Variants in KCNJ3 observed in about 807,000 individuals in gnomAD.
KCNJ3 encodes potassium inwardly rectifying channel subfamily J member 3.
A neutral mutation model predicts 39.2 loss-of-function variants in KCNJ3; 4 were observed. The ratio of observed to expected loss-of-function variants is 0.10; its 90% CI spans 0.05 to 0.23. KCNJ3 has a LOEUF of 0.23. Ranked by LOEUF, KCNJ3 falls within the 10% of genes least tolerant of loss-of-function variation. The probability of loss-of-function intolerance (pLI) is 1.00; values close to 1 mark genes in which losing one functional copy is unlikely to be tolerated. For synonymous variants in KCNJ3, 230 were observed against 237.4 expected (o/e 0.97, Z 0.29); for missense variants, 276 against 634.9 (o/e 0.43, Z 6.08).
chr2:154,780,037 C>A (rs1686407309), intron 2 of KCNJ3, among the ~76,000 whole-genome samples: 1 of 152,134 alleles, frequency 6.6e-6, no homozygotes, highest in South Asian at 2.1e-4. Context: ...ACTCTAATAA[C>A]AGTATGTCAT....
intron 2 of KCNJ3, among the ~76,000 whole-genome samples, chr2:154,810,024 A>G (rs1171702284): frequency 2.6e-5 from 4 of 151,266 alleles, no homozygotes; most frequent in Non-Finnish European, 5.9e-5. Context: ...TATATGTGCA[A>G]GGCACTAAAT....
intron 2 of KCNJ3, among the ~76,000 whole-genome samples, chr2:154,852,373 G>A (rs867941239): frequency 1.3e-5 from 2 of 152,084 alleles, no homozygotes; most frequent in East Asian, 1.9e-4. Context: ...CGCAGCCTGG[G>A]CGACAGAGTG....
At chr2:154,751,146 A>C (rs111754250) in intron 2 of KCNJ3, among the ~76,000 whole-genome samples, 3,901 of 152,028 alleles carry the variant, frequency 0.026, 149 homozygotes, top group African/African-American at 0.089. Context: ...AAACCTATGG[A>C]AATAAAAAAA....
intron 2 of KCNJ3, among the ~76,000 whole-genome samples, chr2:154,785,532 T>C (rs1389297304): frequency 6.6e-6 from 1 of 152,150 alleles, no homozygotes; most frequent in African/African-American, 2.4e-5. Flanking sequence ...AATGCTGTTA[T>C]GGAGAGAGTG....
At chr2:154,755,187 A>C (rs151136390) in intron 2 of KCNJ3, among the ~76,000 whole-genome samples, 1 of 152,230 alleles carries the variant, frequency 6.6e-6, no homozygotes, top group Non-Finnish European at 1.5e-5. Context: ...TCAGAGAATA[A>C]AATTTTGAAT....
intron 2 of KCNJ3, among the ~76,000 whole-genome samples, chr2:154,803,565 G>A (rs1686858654): frequency 6.6e-6 from 1 of 151,778 alleles, no homozygotes; most frequent in African/African-American, 2.4e-5. Context: ...ACAGAGTTAA[G>A]AATCTAGTAT....
intron 2 of KCNJ3, among the ~76,000 whole-genome samples, chr2:154,771,422 G>T (rs1291753686): frequency 6.6e-6 from 1 of 152,172 alleles, no homozygotes. Flanking sequence ...GAAAGTAGTA[G>T]ATGAAAATAC....
At chr2:154,749,516 A>G (rs1685801956) in intron 2 of KCNJ3, among the ~76,000 whole-genome samples, 1 of 152,062 alleles carries the variant, frequency 6.6e-6, no homozygotes, top group African/African-American at 2.4e-5. Context: ...GCATAGGCAT[A>G]ACTTGAAATT....
In KCNJ3 at chr2:154,699,777, G is replaced by A. The variant is rs1487271770; in HGVS notation, c.702+300G>A. The stretch of plus-strand genomic sequence containing the variant: ...GCTCCTGGAGCCATGAGGGCAATTA[G>A]TGCCCTGTTCGCCTTCCTGTCCCTG... On this transcript the variant is annotated intron_variant, in intron 1 of 2. Coordinates refer to ENST00000295101, the MANE Select transcript of KCNJ3 (RefSeq NM_002239.4). The surrounding 1 kb of genome is among the most constrained non-coding windows in gnomAD (Gnocchi z 6.4). 6.6e-6 allele frequency among the ~76,000 whole-genome samples: 1 copy of A among 152,122 alleles called. No individual in the cohort carries two copies. The highest frequency in any genetic ancestry group is 1.5e-5 in the Non-Finnish European group (1 of 68,038).
chr2:154,842,747 A>C (rs1160092701), intron 2 of KCNJ3, among the ~76,000 whole-genome samples: 3 of 152,130 alleles, frequency 2.0e-5, no homozygotes, highest in Non-Finnish European at 4.4e-5. Context: ...GTTTTATCAG[A>C]GACTAGGATT....
intron 2 of KCNJ3, among the ~76,000 whole-genome samples, chr2:154,832,951 G>T (rs759732614): frequency 6.6e-6 from 1 of 151,914 alleles, no homozygotes; most frequent in Non-Finnish European, 1.5e-5. Flanking sequence ...TGGTGAGCAG[G>T]GTATTTAGAA....
At position 154,855,589 on chromosome 2, in the gene KCNJ3, T is replaced by G; in HGVS notation, c.*276T>G. ...ATTTAGTTTTATGGCATGATTTATA[T>G]ATGGCATATTTATATTGTATATTCT... On this transcript the variant is annotated 3_prime_UTR_variant, in exon 3 of 3. Coordinates refer to ENST00000295101, the MANE Select transcript of KCNJ3 (RefSeq NM_002239.4). 4.1e-6 allele frequency: 1 copy of G among 241,346 alleles called. No homozygotes were observed. Among genetic ancestry groups the G allele is most frequent in the Non-Finnish European group, 7.9e-6 (1 of 126,086 alleles). The allele number at this position is 241,346 out of a possible 1,614,324, so 15.0% of individuals were successfully genotyped here.
At chr2:154,816,698 T>TG (rs1687088241) in intron 2 of KCNJ3, among the ~76,000 whole-genome samples, 1 of 152,216 alleles carries the variant, frequency 6.6e-6, no homozygotes. Context: ...CATCAGCAGA[T>TG]GTCATAGCAA....
At chr2:154,706,965 GA>G (rs1158299510) in intron 1 of KCNJ3, among the ~76,000 whole-genome samples, 3 of 151,322 alleles carry the variant, frequency 2.0e-5, no homozygotes, top group East Asian at 3.9e-4. Flanking sequence ...GTCAAAGAAG[GA>G]AAAAAAATCA....
At chr2:154,749,262 C>A (rs758607417) in intron 2 of KCNJ3, among the ~76,000 whole-genome samples, 4 of 151,868 alleles carry the variant, frequency 2.6e-5, no homozygotes, top group Non-Finnish European at 4.4e-5. Context: ...CAAGAGACCC[C>A]CCTCAAAATT....
rs956426566 is a variant in KCNJ3, at chr2:154,699,964, T to C, written c.702+487T>C. Reference sequence around the variant, plus strand: ...TTCTTATTTTTTTCTTTCCTTTTTTTCCCCCTAATAATATTAGGAGGCGGA... The same window carrying C: ...TTCTTATTTTTTTCTTTCCTTTTTTCCCCCCTAATAATATTAGGAGGCGGA... On this transcript the variant is annotated intron_variant, in intron 1 of 2. Transcript: ENST00000295101. The surrounding 1 kb of genome is among the most constrained non-coding windows in gnomAD (Gnocchi z 6.4). Among the ~76,000 whole-genome samples the C allele has an allele frequency of 2.0e-5, 3 of 152,084 alleles. No individual in the cohort carries two copies. The highest frequency in any genetic ancestry group is 2.9e-5 in the Non-Finnish European group (2 of 68,022).
chr2:154,701,746 G>A (rs1338833223), intron 1 of KCNJ3, among the ~76,000 whole-genome samples: 1 of 152,066 alleles, frequency 6.6e-6, no homozygotes, highest in African/African-American at 2.4e-5. Context: ...GAAGATGTCA[G>A]TGCTAGAAGT....
At chr2:154,784,474 C>T (rs1686492980) in intron 2 of KCNJ3, among the ~76,000 whole-genome samples, 1 of 152,178 alleles carries the variant, frequency 6.6e-6, no homozygotes, top group Non-Finnish European at 1.5e-5. Context: ...CCTCTCGGGT[C>T]CTGGTTCAAG....
intron 2 of KCNJ3, among the ~76,000 whole-genome samples, chr2:154,712,968 A>G (rs918448891): frequency 1.5e-4 from 23 of 151,656 alleles, no homozygotes; most frequent in Non-Finnish European, 2.8e-4. Context: ...AGCTGGTGCA[A>G]GGGCCCTGAG....
Sources: gnomAD v4.1 joint callset for allele counts (sites outside exome capture counted in the v4.1 genomes callset) on GRCh38, gnomAD v4.1.1 for gene constraint, Gnocchi (gnomAD v3.1) non-coding constraint, MANE v1.5 for transcripts, NCBI Gene and HGNC (gene_info 2026-07-23, HGNC 2026-07-21) for gene names.